Variants in PPM1H observed in about 807,000 individuals in gnomAD.
PPM1H encodes the protein protein phosphatase, Mg2+/Mn2+ dependent 1H.
A neutral mutation model predicts 54.9 loss-of-function variants in PPM1H; 27 were observed. The observed-to-expected ratio is 0.49, with a 90% CI of 0.36 to 0.68. The LOEUF (loss-of-function observed/expected upper bound fraction) is 0.68, where lower values mean the gene tolerates loss of function less well. PPM1H is among the 30% of genes least tolerant of loss of function. The pLI, the probability that PPM1H is intolerant of heterozygous loss-of-function variation, is 0.00. For synonymous variants in PPM1H, 305 were observed against 270.8 expected (o/e 1.13, Z -1.24); for missense variants, 596 against 667.8 (o/e 0.89, Z 1.19).
At chr12:62,711,683 G>A (rs1467378983) in intron 6 of PPM1H, among the ~76,000 whole-genome samples, 1 of 152,154 alleles carries the variant, frequency 6.6e-6, no homozygotes, top group Non-Finnish European at 1.5e-5. Context: ...GTGTTTGAAG[G>A]GTCTGAGGGG....
At chr12:62,896,090 TTG>T (rs1271711297) in intron 1 of PPM1H, among the ~76,000 whole-genome samples, 2 of 152,220 alleles carry the variant, frequency 1.3e-5, no homozygotes, top group South Asian at 2.1e-4. Flanking sequence ...TCTATTCCCT[TTG>T]TGTTTCACAA....
intron 9 of PPM1H, among the ~76,000 whole-genome samples, chr12:62,659,460 G>A (rs1166065967): frequency 2.0e-5 from 3 of 152,154 alleles, no homozygotes; most frequent in Non-Finnish European, 2.9e-5. Context: ...AGGATGGTGT[G>A]AGGGTCAGAA....
chr12:62,892,235 G>C (rs746855772), intron 1 of PPM1H, among the ~76,000 whole-genome samples: 5 of 152,154 alleles, frequency 3.3e-5, no homozygotes, highest in Non-Finnish European at 7.3e-5. Flanking sequence ...AAGTCAGCAG[G>C]AAGTTTGATA....
At chr12:62,678,888 T>C (rs535753903) in intron 8 of PPM1H, among the ~76,000 whole-genome samples, 1 of 152,120 alleles carries the variant, frequency 6.6e-6, no homozygotes, top group African/African-American at 2.4e-5. Flanking sequence ...GGTTTCACCA[T>C]GTTGGCCAGG....
chr12:62,844,172 A>G lies in PPM1H; in HGVS notation c.246-11893T>C, dbSNP rs1023748037. On this transcript the variant is annotated intron_variant, in intron 1 of 9. Transcript: ENST00000228705. This position sits in a 1 kb window ranked among gnomAD's most constrained non-coding sequence, Gnocchi z 5.2. ...AAGAACAGCCACCTGGGCAGCACAC[A>G]CTCCAAATGGATGGGGTTGGTGTTC... Among the ~76,000 whole-genome samples, 5 of 152,164 alleles carry G rather than the reference A, an allele frequency of 3.3e-5. No individual in the cohort carries two copies. The highest frequency in any genetic ancestry group is 9.7e-5 in the African/African-American group (4 of 41,426).
chr12:62,822,028 A>G (rs982580763), intron 2 of PPM1H, among the ~76,000 whole-genome samples: 2 of 152,246 alleles, frequency 1.3e-5, no homozygotes, highest in African/African-American at 2.4e-5. Context: ...GTGCAGAGAC[A>G]TACATAGGCT....
At chr12:62,703,196 A>G (rs1397265988) in intron 6 of PPM1H, among the ~76,000 whole-genome samples, 1 of 152,116 alleles carries the variant, frequency 6.6e-6, no homozygotes. Context: ...CTGAGCAATC[A>G]AGCCACCTAA....
intron 4 of PPM1H, among the ~76,000 whole-genome samples, chr12:62,753,587 A>C (rs1265864574): frequency 6.6e-6 from 1 of 151,994 alleles, no homozygotes; most frequent in African/African-American, 2.4e-5. Context: ...CTCACCCCCT[A>C]CTCTTGAAGC....
intron 3 of PPM1H, among the ~76,000 whole-genome samples, chr12:62,793,608 C>G (rs1036168426): frequency 2.0e-5 from 3 of 151,878 alleles, no homozygotes; most frequent in African/African-American, 7.3e-5. Context: ...CTTGTAACCC[C>G]AGCTACTCGG....
chr12:62,780,671 T>C (rs17120354), intron 4 of PPM1H, among the ~76,000 whole-genome samples: 19,513 of 152,238 alleles, frequency 0.13, 1,595 homozygotes, highest in African/African-American at 0.23. Context: ...AAGCTTCACC[T>C]GGTATTTACC....
intron 1 of PPM1H, among the ~76,000 whole-genome samples, chr12:62,932,335 T>C (rs988780736): frequency 6.6e-6 from 1 of 152,208 alleles, no homozygotes; most frequent in Non-Finnish European, 1.5e-5. Flanking sequence ...ACCATAGGCA[T>C]GCAAACACTC....
rs539767918 is a variant in PPM1H, at chr12:62,782,232, G to A, written c.869+5994C>T. On this transcript the variant is annotated intron_variant, in intron 4 of 9. Coordinates refer to ENST00000228705, the MANE Select transcript of PPM1H (RefSeq NM_020700.2). ...TGTACTGGCCGTTGGTGAAATCCAT[G>A]AACATAAGAAGAAATGAATAGTTCT... is the stretch of plus-strand genomic sequence containing the variant. Among the ~76,000 whole-genome samples, 9 of 152,330 alleles carry A rather than the reference G, an allele frequency of 5.9e-5. No homozygotes were observed. The South Asian group carries it at 6.2e-4, about 11-fold the overall frequency.
intron 2 of PPM1H, among the ~76,000 whole-genome samples, chr12:62,806,161 CAATA>C (rs550380658): frequency 4.1e-4 from 62 of 149,864 alleles, no homozygotes; most frequent in Non-Finnish European, 8.6e-4. Flanking sequence ...TACCCTATGG[CAATA>C]AATACTGAAG....
At chr12:62,861,679 G>A (rs1456737974) in intron 1 of PPM1H, among the ~76,000 whole-genome samples, 3 of 152,178 alleles carry the variant, frequency 2.0e-5, no homozygotes, top group Admixed American at 6.5e-5. Context: ...AACCCTCACC[G>A]CTAAGACTTC....
chr12:62,868,775 C>T (rs181015368), intron 1 of PPM1H, among the ~76,000 whole-genome samples: 109 of 152,300 alleles, frequency 7.2e-4, no homozygotes, highest in Middle Eastern at 3.4e-3. Flanking sequence ...CAAATGGGTG[C>T]GCACGATGGT....
chr12:62,906,300 C>A (rs1450309857), intron 1 of PPM1H, among the ~76,000 whole-genome samples: 1 of 152,132 alleles, frequency 6.6e-6, no homozygotes, highest in Non-Finnish European at 1.5e-5. Flanking sequence ...TTAAGAACAA[C>A]AAATGAACCA....
chr12:62,659,847 C>G (rs1212020757), intron 9 of PPM1H, among the ~76,000 whole-genome samples: 2 of 152,234 alleles, frequency 1.3e-5, no homozygotes. Flanking sequence ...CATTCCCCTT[C>G]CCTCAGGCTT....
At chr12:62,872,659 T>C (rs1186290258) in intron 1 of PPM1H, among the ~76,000 whole-genome samples, 2 of 152,226 alleles carry the variant, frequency 1.3e-5, no homozygotes, top group Admixed American at 6.5e-5. Flanking sequence ...CATGCAAACA[T>C]GGTAAGAGTG....
intron 4 of PPM1H, among the ~76,000 whole-genome samples, chr12:62,751,559 T>C (rs950590686): frequency 6.6e-6 from 1 of 152,264 alleles, no homozygotes; most frequent in Non-Finnish European, 1.5e-5. Context: ...AATTTCTTGA[T>C]CTTCACATTA....
Sources: allele counts gnomAD v4.1 joint callset (sites outside exome capture counted in the v4.1 genomes callset), GRCh38; gene constraint gnomAD v4.1.1; non-coding constraint Gnocchi (gnomAD v3.1); transcripts MANE v1.5; gene names NCBI Gene and HGNC (gene_info 2026-07-23, HGNC 2026-07-21).